The following RBFOX3 variants were observed in gnomAD, a reference collection of about 807,000 sequenced individuals.
The protein encoded by RBFOX3 is RNA binding fox-1 homolog 3, also known as RNA binding protein fox-1 homolog 3.
A neutral mutation model predicts 48.7 loss-of-function variants in RBFOX3; 17 were observed. The observed-to-expected ratio is 0.35, with a 90% CI of 0.24 to 0.52. The LOEUF (loss-of-function observed/expected upper bound fraction) is 0.52, where lower values mean the gene tolerates loss of function less well. Among genes scored for constraint, RBFOX3 ranks in the 20% least tolerant of loss-of-function variants. RBFOX3 has a pLI of 0.94. For missense variants in RBFOX3, 382 were observed against 497.5 expected, an observed-to-expected ratio of 0.77 and a Z score of 2.21; for synonymous variants, 212 against 209.5, an observed-to-expected ratio of 1.01 and a Z score of -0.10.
Position 79,299,975 on chromosome 17 carries a change from GC to G in RBFOX3, c.-74+7748del, listed in dbSNP as rs947206510. On this transcript the variant is annotated intron_variant, in intron 3 of 14. Transcript: ENST00000693108. The surrounding 1 kb of genome is among the most constrained non-coding windows in gnomAD (Gnocchi z 4.5). ...GCTGGAGTGCAGTGGCATGATCTCGGCTCACTGCAACCTCTGCCTCCCGGGT... is the reference window on the plus strand; with the variant it reads ...GCTGGAGTGCAGTGGCATGATCTCGGTCACTGCAACCTCTGCCTCCCGGGT... Among the ~76,000 whole-genome samples, 1 of 151,856 alleles carries G rather than the reference GC, an allele frequency of 6.6e-6. No individual in the cohort carries two copies. Among genetic ancestry groups the G allele is most frequent in the African/African-American group, 2.4e-5 (1 of 41,300 alleles).
At chr17:79,330,735 G>T (rs1207888727) in intron 2 of RBFOX3, among the ~76,000 whole-genome samples, 4 of 152,136 alleles carry the variant, frequency 2.6e-5, no homozygotes, top group Non-Finnish European at 5.9e-5. Flanking sequence ...TGCCTGGGGG[G>T]TCTTCTCTGG....
the RBFOX3 span, among the ~76,000 whole-genome samples, chr17:79,654,314 T>C: frequency 6.6e-6 from 1 of 152,064 alleles, no homozygotes; most frequent in African/African-American, 2.4e-5. Flanking sequence ...TCCAAAGAAT[T>C]TTTTCACAGT....
At chr17:79,444,528 C>T (rs2071830435) in intron 2 of RBFOX3, among the ~76,000 whole-genome samples, 1 of 152,026 alleles carries the variant, frequency 6.6e-6, no homozygotes, top group African/African-American at 2.4e-5. Flanking sequence ...TGTGCCTGAC[C>T]CCAGCCTCCC....
intron 1 of RBFOX3, among the ~76,000 whole-genome samples, chr17:79,584,750 G>A (rs1398078634): frequency 1.4e-5 from 2 of 143,934 alleles, no homozygotes; most frequent in Non-Finnish European, 3.0e-5. Context: ...TGATACACTG[G>A]ATTTTTTTAT....
intron 2 of RBFOX3, among the ~76,000 whole-genome samples, chr17:79,372,226 C>T (rs2058646395): frequency 6.6e-6 from 1 of 152,036 alleles, no homozygotes; most frequent in Admixed American, 6.5e-5. Flanking sequence ...AGCTGGCTCC[C>T]CAGCCTGTCC....
intron 14 of RBFOX3, 87 bp from the exon 15 acceptor site, chr17:79,090,972 C>T (rs932107842): frequency 2.2e-6 from 3 of 1,395,168 alleles, no homozygotes; most frequent in African/African-American, 1.5e-5. Flanking sequence ...TGGCACGGGG[C>T]CCCTGGCCTA....
At chr17:79,620,169 A>ACACACATGCACACACATGTG in the RBFOX3 span, among the ~76,000 whole-genome samples, 9 of 139,104 alleles carry the variant, frequency 6.5e-5, no homozygotes, top group African/African-American at 2.3e-4. Flanking sequence ...GGACATGCAC[A>ACACACATGCACACACATGTG]CACATGCACA....
intron 1 of RBFOX3, among the ~76,000 whole-genome samples, chr17:79,554,679 A>C (rs1268163147): frequency 6.6e-6 from 1 of 152,276 alleles, no homozygotes; most frequent in Non-Finnish European, 1.5e-5. Flanking sequence ...CACACATGGA[A>C]GGTTTTCAAT....
chr17:79,541,451 C>T (rs1047590348), intron 1 of RBFOX3, among the ~76,000 whole-genome samples: 12 of 152,242 alleles, frequency 7.9e-5, no homozygotes, highest in African/African-American at 2.9e-4. Context: ...TACCACCATA[C>T]TTGGTGTACA....
rs2090999554 is a variant in RBFOX3 at position 79,550,208 on chromosome 17, C to T, written c.-320+60618G>A. 2.6e-5 allele frequency among the ~76,000 whole-genome samples: 4 copies of T among 152,126 alleles called. No homozygotes were observed. The South Asian group carries it at 8.3e-4, about 32-fold the overall frequency. ...ACTGAGCCCAGGGAAACAAGAGGGC[C>T]CGAGGGCATCCCAGCTCCCAGGGGC... On this transcript the variant is annotated intron_variant, in intron 1 of 14. Transcript: ENST00000693108.
chr17:79,096,899 G>T (rs1381355627), intron 11 of RBFOX3, 66 bp from the exon 12 acceptor site: 2 of 616,672 alleles, frequency 3.2e-6, no homozygotes, highest in African/African-American at 3.7e-5. Flanking sequence ...AAACCCCGGG[G>T]CCCATAGCCC....
At chr17:79,226,250 T>G (rs1010743089) in intron 4 of RBFOX3, among the ~76,000 whole-genome samples, 1 of 152,124 alleles carries the variant, frequency 6.6e-6, no homozygotes, top group Admixed American at 6.5e-5. Flanking sequence ...TTGTGAGGAC[T>G]TTGGCCTTTC....
chr17:79,396,596 G>A (rs563507032), intron 2 of RBFOX3, among the ~76,000 whole-genome samples: 35 of 152,118 alleles, frequency 2.3e-4, no homozygotes, highest in Admixed American at 2.2e-3. Flanking sequence ...CTCTAAGTGG[G>A]AGGGCATCCT....
At chr17:79,141,276 G>C (rs760457621) in intron 4 of RBFOX3, among the ~76,000 whole-genome samples, 2 of 152,204 alleles carry the variant, frequency 1.3e-5, no homozygotes, top group African/African-American at 4.8e-5. Flanking sequence ...TCAGGAGCTG[G>C]GGTTGGGGCA....
intron 1 of RBFOX3, among the ~76,000 whole-genome samples, chr17:79,560,869 T>C (rs2092167626): frequency 6.6e-6 from 1 of 151,680 alleles, no homozygotes; most frequent in Non-Finnish European, 1.5e-5. Flanking sequence ...CCCCAGGGGG[T>C]AGGAAGGATG....
chr17:79,638,497 A>T, the RBFOX3 span, among the ~76,000 whole-genome samples: 1 of 152,230 alleles, frequency 6.6e-6, no homozygotes, highest in African/African-American at 2.4e-5. Flanking sequence ...GAAGAAATGC[A>T]TAAATTTTTA....
chr17:79,482,126 T>C lies in RBFOX3; in HGVS notation c.-175+328A>G, dbSNP rs1043955267. On this transcript the variant is annotated intron_variant, in intron 2 of 14. Transcript: ENST00000693108. The surrounding 1 kb of genome is among the most constrained non-coding windows in gnomAD (Gnocchi z 4.1). ...AGGGTCAGGCCCTGACTTTGGACTC[T>C]ATGGCATCTTTGTTGACACCAGACA... 1.4e-4 allele frequency among the ~76,000 whole-genome samples: 22 copies of C among 152,148 alleles called. No homozygotes were observed. The highest frequency in any genetic ancestry group is 2.2e-4 in the Non-Finnish European group (15 of 68,034).
chr17:79,185,880 C>A (rs1225112439), intron 4 of RBFOX3, among the ~76,000 whole-genome samples: 1 of 151,972 alleles, frequency 6.6e-6, no homozygotes, highest in East Asian at 1.9e-4. Context: ...AAATCAAGTT[C>A]TCTGCCCTGG....
the RBFOX3 span, among the ~76,000 whole-genome samples, chr17:79,635,764 G>A: frequency 3.0e-4 from 45 of 152,236 alleles, no homozygotes; most frequent in African/African-American, 8.7e-4. Flanking sequence ...TGAACAACGA[G>A]TGGGAAAAAT....
Sources: allele counts gnomAD v4.1 joint callset (sites outside exome capture counted in the v4.1 genomes callset), GRCh38; gene constraint gnomAD v4.1.1; non-coding constraint Gnocchi (gnomAD v3.1); transcripts MANE v1.5; gene names NCBI Gene and HGNC (gene_info 2026-07-23, HGNC 2026-07-21).